The following MAPK10 variants were observed in gnomAD, a reference collection of about 807,000 sequenced individuals.
The protein encoded by MAPK10 is mitogen-activated protein kinase 10, also known as JNK3 alpha protein kinase.
A neutral mutation model predicts 59.3 loss-of-function variants in MAPK10; 25 were observed. The observed-to-expected ratio is 0.42, with a 90% CI of 0.31 to 0.59. MAPK10 has a LOEUF of 0.59. Ranked by LOEUF, MAPK10 falls within the 20% of genes least tolerant of loss-of-function variation. The pLI is 0.15. For missense variants in MAPK10, 351 were observed against 568.9 expected (o/e 0.62, Z 3.90); for synonymous variants, 190 against 200.5 (o/e 0.95, Z 0.44).
chr4:86,337,035 T>C (rs1232737310), intron 2 of MAPK10, among the ~76,000 whole-genome samples: 1 of 152,120 alleles, frequency 6.6e-6, no homozygotes, highest in African/African-American at 2.4e-5. Flanking sequence ...GTGATCCACC[T>C]GCCTCAGCCT....
At position 86,014,336 on chromosome 4, in the gene MAPK10, GTGTGTGTGT is replaced by G; in HGVS notation, c.*2883_*2891del. 7.4e-6 allele frequency: 1 copy of G among 135,704 alleles called. No individual in the cohort carries two copies. Among genetic ancestry groups the G allele is most frequent in the African/African-American group, 3.0e-5 (1 of 33,862 alleles). 8.4% of individuals were successfully genotyped at this position (135,704 alleles called of 1,614,324 possible). A position where few individuals can be genotyped will look rare whatever the true frequency, so the allele number is the denominator to read the frequency against. On this transcript the variant is annotated 3_prime_UTR_variant, in exon 14 of 14. Transcript: ENST00000641462. ...TGTGTGTGTGTGTGTGTGTGTGTGT[GTGTGTGTGT>G]TAAGACAGACAAGTGAATGCAGAAC... is the stretch of plus-strand genomic sequence containing the variant.
At position 86,294,458 on chromosome 4, in the gene MAPK10, A is replaced by G. The variant is rs1031189572; in HGVS notation, c.-7+60072T>C. Among the ~76,000 whole-genome samples the G allele has an allele frequency of 2.0e-5, 3 of 152,268 alleles. No homozygotes were observed. The South Asian group carries it at 6.2e-4, about 32-fold the overall frequency. On this transcript the variant is annotated intron_variant, in intron 2 of 13. Coordinates refer to ENST00000641462, the MANE Select transcript of MAPK10 (RefSeq NM_138982.4). ...AGGCTTTTTATTAGTTTGGCAATCA[A>G]AAGTTCTACTAGAACCTCTGTTTCT...
intron 13 of MAPK10, among the ~76,000 whole-genome samples, chr4:86,021,595 G>A (rs1454672570): frequency 4.6e-5 from 7 of 152,356 alleles, no homozygotes; most frequent in Non-Finnish European, 8.8e-5. Context: ...CCAGTCCTGC[G>A]CTGTGCGCTC....
rs993446270 is a variant in MAPK10, at chr4:86,012,493, G to C, written c.*4735C>G. On this transcript the variant is annotated 3_prime_UTR_variant, in exon 14 of 14. Transcript: ENST00000641462. ...GGGTTTGGATTTGGTTTTATGTTGA[G>C]AGAAGCAGATTTCCTCTGATTTTAA... is the stretch of plus-strand genomic sequence containing the variant. 1 of 152,186 alleles carries C rather than the reference G, an allele frequency of 6.6e-6. No homozygotes were observed. The highest frequency in any genetic ancestry group is 1.5e-5 in the Non-Finnish European group (1 of 68,030). 9.4% of individuals were successfully genotyped at this position (152,186 alleles called of 1,614,324 possible).
At position 86,507,655 on chromosome 4, in the gene MAPK10, T is replaced by TATACAC. The variant is rs1554274997; in HGVS notation, c.-263+86254_-263+86255insGTGTAT. ...ATATATATATATATATATATATATA[T>TATACAC]ATATATATATATATATAAAATCATG... On this transcript the variant is annotated intron_variant, in intron 1 of 4. Transcript: ENST00000502302. 4.3e-3 allele frequency among the ~76,000 whole-genome samples: 308 copies of TATACAC among 71,264 alleles called. 17 individuals are homozygous for TATACAC. The highest frequency in any genetic ancestry group is 7.8e-3 in the Middle Eastern group (1 of 128). 46.8% of individuals were successfully genotyped at this position (71,264 alleles called of 152,430 possible).
intron 2 of MAPK10, among the ~76,000 whole-genome samples, chr4:86,198,104 C>T (rs538002939): frequency 5.7e-4 from 87 of 152,252 alleles, no homozygotes; most frequent in Non-Finnish European, 1.0e-3. Context: ...ATGGCCCTCT[C>T]ATATTTCCGC....
rs181516035 is a variant in MAPK10, at chr4:86,017,870, G to A, written c.1253-500C>T. Among the ~76,000 whole-genome samples, 7 of 152,074 alleles carry A rather than the reference G, an allele frequency of 4.6e-5. No individual in the cohort carries two copies. Among genetic ancestry groups the A allele is most frequent in the Admixed American group, 2.0e-4 (3 of 15,282 alleles). The stretch of plus-strand genomic sequence containing the variant: ...CCCGAGTAGCTGGGAGTACAGGTGC[G>A]CACCACCACACCCAGCTAATTTTTG... On this transcript the variant is annotated intron_variant, in intron 13 of 13. Coordinates refer to ENST00000641462, the MANE Select transcript of MAPK10 (RefSeq NM_138982.4). This position sits in a 1 kb window ranked among gnomAD's most constrained non-coding sequence, Gnocchi z 4.4.
At chr4:86,211,515 C>T (rs2085804961) in intron 2 of MAPK10, among the ~76,000 whole-genome samples, 1 of 152,046 alleles carries the variant, frequency 6.6e-6, no homozygotes, top group Admixed American at 6.6e-5. Flanking sequence ...GAAATTAAGA[C>T]ATTTCCAGAT....
chr4:86,494,616 C>T (rs189651937), intron 1 of MAPK10, among the ~76,000 whole-genome samples: 20 of 151,912 alleles, frequency 1.3e-4, no homozygotes, highest in Admixed American at 7.9e-4. Context: ...GAGGCTGAGG[C>T]GGGCGGATCA....
intron 1 of MAPK10, among the ~76,000 whole-genome samples, chr4:86,549,265 ATTG>A (rs1004417220): frequency 4.6e-5 from 7 of 152,218 alleles, no homozygotes; most frequent in Admixed American, 1.3e-4. Context: ...TTCCAAATGC[ATTG>A]TTAAGACAAT....
At chr4:86,580,500 G>GA (rs199715528) in intron 1 of MAPK10, among the ~76,000 whole-genome samples, 11,563 of 148,336 alleles carry the variant, frequency 0.078, 554 homozygotes, top group Non-Finnish European at 0.11. Flanking sequence ...CTCCACCTCA[G>GA]AAAAAAAAAA....
chr4:86,300,395 C>T lies in MAPK10; in HGVS notation c.-7+54135G>A, dbSNP rs901730419. Among the ~76,000 whole-genome samples the T allele has an allele frequency of 5.3e-5, 8 of 151,912 alleles. No individual in the cohort carries two copies. In the East Asian group the frequency reaches 5.8e-4, roughly 11 times the overall value. On this transcript the variant is annotated intron_variant, in intron 2 of 13. Coordinates refer to ENST00000641462, the MANE Select transcript of MAPK10 (RefSeq NM_138982.4). ...TCATGTTAGAATTCAAAATTTGAGC[C>T]CCATATTCATGCATTAAAATGCTCA...
intron 1 of MAPK10, among the ~76,000 whole-genome samples, chr4:86,374,801 T>C (rs1739511786): frequency 6.6e-6 from 1 of 152,186 alleles, no homozygotes; most frequent in African/African-American, 2.4e-5. Context: ...GAAATCCCCA[T>C]TCATATACAC....
At chr4:86,316,526 T>C (rs547153125) in intron 2 of MAPK10, among the ~76,000 whole-genome samples, 3 of 152,304 alleles carry the variant, frequency 2.0e-5, no homozygotes, top group East Asian at 1.9e-4. Flanking sequence ...CACATATGCA[T>C]ATACATGCAC....
chr4:86,423,799 T>TATATATATATATATATATATA (rs1554262372), intron 1 of MAPK10, among the ~76,000 whole-genome samples: 1 of 106,558 alleles, frequency 9.4e-6, no homozygotes, highest in Non-Finnish European at 2.0e-5. Flanking sequence ...ATATATATGT[T>TATATATATATATATATATATA]TAGGAGGCTT....
At chr4:86,468,729 C>A (rs929012166) in intron 1 of MAPK10, among the ~76,000 whole-genome samples, 6 of 152,122 alleles carry the variant, frequency 3.9e-5, no homozygotes, top group African/African-American at 1.4e-4. Context: ...TGGCATGCAC[C>A]TGTAGTCCCA....
intron 3 of MAPK10, among the ~76,000 whole-genome samples, chr4:86,167,576 T>A (rs2072241616): frequency 1.3e-5 from 2 of 152,180 alleles, no homozygotes; most frequent in African/African-American, 2.4e-5. Flanking sequence ...ATGCAATCAA[T>A]AAATGTAATC....
intron 4 of MAPK10, chr4:86,119,782 C>T (rs944779827): frequency 6.6e-6 from 1 of 151,874 alleles, no homozygotes; most frequent in Non-Finnish European, 1.5e-5. Flanking sequence ...ACAAAAGCTG[C>T]CTAACCTAGC....
chr4:86,555,500 A>T (rs1475141249), intron 1 of MAPK10, among the ~76,000 whole-genome samples: 1 of 152,174 alleles, frequency 6.6e-6, no homozygotes, highest in Non-Finnish European at 1.5e-5. Flanking sequence ...GCCTAGCAGA[A>T]TGTCTTGAAT....
Sources: gnomAD v4.1 joint callset for allele counts (sites outside exome capture counted in the v4.1 genomes callset) on GRCh38, gnomAD v4.1.1 for gene constraint, Gnocchi (gnomAD v3.1) non-coding constraint, MANE v1.5 for transcripts, NCBI Gene and HGNC (gene_info 2026-07-23, HGNC 2026-07-21) for gene names.